PLEKHF2: variants seen among roughly 807,000 people sequenced by gnomAD.
PLEKHF2 encodes pleckstrin homology domain-containing family F member 2.
PLEKHF2 carries 4 observed loss-of-function variants against 14.7 expected under a neutral mutation model. The observed-to-expected ratio is 0.27, with a 90% CI of 0.13 to 0.62. The LOEUF is 0.62. Ranked by LOEUF, PLEKHF2 falls within the 20% of genes least tolerant of loss-of-function variation. The pLI is 0.85. For synonymous variants in PLEKHF2, 90 were observed against 103.5 expected, an observed-to-expected ratio of 0.87 and a Z score of 0.79; for missense variants, 201 against 307.7, an observed-to-expected ratio of 0.65 and a Z score of 2.60.
At chr8:95,144,443 C>T (rs1810473362) in intron 1 of PLEKHF2, among the ~76,000 whole-genome samples, 2 of 152,140 alleles carry the variant, frequency 1.3e-5, no homozygotes, top group East Asian at 3.9e-4. Context: ...TGGTTATTAC[C>T]ATAGATATGT....
chr8:95,149,074 C>A (rs1014086841), intron 1 of PLEKHF2, among the ~76,000 whole-genome samples: 7 of 151,876 alleles, frequency 4.6e-5, no homozygotes, highest in African/African-American at 1.4e-4. Context: ...AGATTAATAA[C>A]CTCTAAATAT....
At chr8:95,148,229 C>T (rs1810521478) in intron 1 of PLEKHF2, among the ~76,000 whole-genome samples, 1 of 151,864 alleles carries the variant, frequency 6.6e-6, no homozygotes, top group Admixed American at 6.6e-5. Context: ...TTTATTCTCA[C>T]TTTTGTAAAT....
At chr8:95,148,854 C>A (rs1418527505) in intron 1 of PLEKHF2, among the ~76,000 whole-genome samples, 1 of 152,020 alleles carries the variant, frequency 6.6e-6, no homozygotes, top group Non-Finnish European at 1.5e-5. Context: ...GAGTTTGTAT[C>A]ATAAAGCATA....
At chr8:95,138,570 A>G (rs1256967109) in intron 1 of PLEKHF2, among the ~76,000 whole-genome samples, 2 of 151,688 alleles carry the variant, frequency 1.3e-5, no homozygotes, top group Admixed American at 6.6e-5. Flanking sequence ...TGTCTATGAG[A>G]GAATGTGTTC....
intron 1 of PLEKHF2, 52 bp from the exon 2 acceptor site, chr8:95,153,977 CTT>C (rs1810588011): frequency 7.0e-6 from 9 of 1,277,284 alleles, no homozygotes; most frequent in South Asian, 2.0e-5. Flanking sequence ...ATATAATTAA[CTT>C]ATAGGAATTT....
intron 1 of PLEKHF2, among the ~76,000 whole-genome samples, chr8:95,138,797 T>C (rs73264559): frequency 0.044 from 6,679 of 152,296 alleles, 243 homozygotes; most frequent in Middle Eastern, 0.12. Context: ...GGATGTGCCA[T>C]AATTTATTTA....
At chr8:95,135,076 T>A (rs909711421) in intron 1 of PLEKHF2, among the ~76,000 whole-genome samples, 4 of 152,224 alleles carry the variant, frequency 2.6e-5, no homozygotes, top group Admixed American at 2.6e-4. Context: ...GGCTTCATTA[T>A]AATCTCTTTG....
intron 1 of PLEKHF2, among the ~76,000 whole-genome samples, chr8:95,143,642 G>A (rs1471622570): frequency 2.0e-5 from 3 of 152,164 alleles, no homozygotes; most frequent in African/African-American, 4.8e-5. Context: ...AGGACATGCC[G>A]AGCTTAGAGG....
At chr8:95,153,522 T>G (rs889050651) in intron 1 of PLEKHF2, among the ~76,000 whole-genome samples, 3 of 152,108 alleles carry the variant, frequency 2.0e-5, no homozygotes, top group Non-Finnish European at 4.4e-5. Context: ...AAAGATTGAT[T>G]TGGGGGCAAG....
At chr8:95,144,442 C>A (rs1402500895) in intron 1 of PLEKHF2, among the ~76,000 whole-genome samples, 1 of 152,062 alleles carries the variant, frequency 6.6e-6, no homozygotes, top group East Asian at 1.9e-4. Context: ...ATGGTTATTA[C>A]CATAGATATG....
intron 1 of PLEKHF2, among the ~76,000 whole-genome samples, chr8:95,146,468 AT>A (rs1810501535): frequency 2.0e-5 from 3 of 151,744 alleles, no homozygotes; most frequent in Admixed American, 2.0e-4. Context: ...ATAGTAGTCT[AT>A]GACATTTGGT....
chr8:95,135,102 GGGAATGAAT>G (rs1196572978), intron 1 of PLEKHF2, among the ~76,000 whole-genome samples: 3 of 152,118 alleles, frequency 2.0e-5, no homozygotes, highest in Non-Finnish European at 4.4e-5. Flanking sequence ...CGACCACACG[GGGAATGAAT>G]GGTATTAAGC....
At chr8:95,134,294 G>GGACGCCGCC (rs1810351902) in intron 1 of PLEKHF2, 1 of 148,470 alleles carries the variant, frequency 6.7e-6, no homozygotes, top group African/African-American at 2.5e-5. Context: ...CCCGCCCGTA[G>GGACGCCGCC]GACGCCGCCG....
rs541455757 is a variant in PLEKHF2, at chr8:95,152,493, T to C, written c.-14-1538T>C. Among the ~76,000 whole-genome samples the C allele has an allele frequency of 8.3e-4, 126 of 152,222 alleles. 2 individuals are homozygous for C. In the South Asian group the frequency reaches 0.026, roughly 31 times the overall value. On this transcript the variant is annotated intron_variant, in intron 1 of 1. Transcript: ENST00000315367. ...AAAATATACTAATGTTTAATATAAT[T>C]TCTTTAATTATGATAGAGATTGAAA...
intron 1 of PLEKHF2, among the ~76,000 whole-genome samples, chr8:95,139,564 A>G (rs550508564): frequency 1.3e-5 from 2 of 152,098 alleles, no homozygotes; most frequent in South Asian, 4.2e-4. Flanking sequence ...TCTTCCCCCA[A>G]TTATGAAGTT....
Position 95,154,224 on chromosome 8 carries a change from T to C in PLEKHF2, c.180T>C (p.Asp60=). 6.2e-7 allele frequency: 1 copy of C among 1,613,944 alleles called. No individual in the cohort carries two copies. Among genetic ancestry groups the C allele is most frequent in the Non-Finnish European group, 8.5e-7 (1 of 1,179,904 alleles). Reference sequence around the variant, plus strand: ...CAAGGCAGTTTTTCTTGTTTAATGATATTCTTGTATATGGCAATATTGTCA... The same window carrying C: ...CAAGGCAGTTTTTCTTGTTTAATGACATTCTTGTATATGGCAATATTGTCA... ...PKARQFFLFN[D]ILVYGNIVIQ... is the part of the protein sequence containing the mutation. Residue 60 remains aspartate, a synonymous_variant, in exon 2 of 2, where the codon GAT becomes GAC. Coordinates refer to ENST00000315367, the MANE Select transcript of PLEKHF2 (RefSeq NM_024613.4). The surrounding 1 kb of genome is among the most constrained non-coding windows in gnomAD (Gnocchi z 5.6).
Position 95,154,006 on chromosome 8 carries a change from A to G in PLEKHF2, c.-14-25A>G, listed in dbSNP as rs1002185004. ...TAGGAATTTATAATTTATATGTGCT[A>G]ATTTCTTTTTCTTTTTTTTAAAAGG... On this transcript the variant is annotated intron_variant, in intron 1 of 1. Transcript: ENST00000315367. This position sits in a 1 kb window ranked among gnomAD's most constrained non-coding sequence, Gnocchi z 5.6. 2.3e-5 allele frequency: 33 copies of G among 1,461,148 alleles called. No individual in the cohort carries two copies. The highest frequency in any genetic ancestry group is 4.2e-5 in the African/African-American group (3 of 70,636). The allele number at this position is 1,461,148 out of a possible 1,614,324, so 90.5% of individuals were successfully genotyped here.
At chr8:95,153,217 C>T (rs1273803191) in intron 1 of PLEKHF2, among the ~76,000 whole-genome samples, 2 of 152,046 alleles carry the variant, frequency 1.3e-5, no homozygotes, top group Non-Finnish European at 2.9e-5. Context: ...GGGTTTTAGT[C>T]TAGCATGGGA....
intron 1 of PLEKHF2, among the ~76,000 whole-genome samples, chr8:95,139,845 T>C (rs909637896): frequency 6.6e-6 from 1 of 151,762 alleles, no homozygotes; most frequent in African/African-American, 2.4e-5. Context: ...CCACTGCTGA[T>C]TGTGACCTTT....
Sources: allele counts gnomAD v4.1 joint callset (sites outside exome capture counted in the v4.1 genomes callset), GRCh38; gene constraint gnomAD v4.1.1; non-coding constraint Gnocchi (gnomAD v3.1); transcripts MANE v1.5; gene names NCBI Gene and HGNC (gene_info 2026-07-23, HGNC 2026-07-21).